MARCHF1: variants seen among roughly 807,000 people sequenced by gnomAD.
MARCHF1 encodes the protein membrane associated ring-CH-type finger 1, also known as E3 ubiquitin-protein ligase MARCHF1.
A neutral mutation model predicts 54.2 loss-of-function variants in MARCHF1; 40 were observed. That is an observed-to-expected ratio of 0.74 (90% CI 0.57 to 0.96). The LOEUF is 0.96. Among genes scored for constraint, MARCHF1 ranks in the 40% least tolerant of loss-of-function variants. MARCHF1 has a pLI of 0.00. For synonymous variants in MARCHF1, 236 were observed against 236.3 expected (o/e 1.00, Z 0.01); for missense variants, 586 against 656.5 (o/e 0.89, Z 1.17).
Position 163,612,594 on chromosome 4 carries a change from A to T in MARCHF1, c.687T>A (p.Ser229=), listed in dbSNP as rs1741380137. ...TATGTTTTCCTCTGTGGAGATTTAA[A>T]GAGCAACTCTCACATTCAATCAGCT... is the stretch of plus-strand genomic sequence containing the variant. ...QQELIECESC[S]LNLHRGKHTR... is the part of the protein sequence containing the mutation. The change falls in exon 7 of 10, where the codon TCT becomes TCA. Residue 229 remains serine (S), a synonymous_variant. Coordinates refer to ENST00000514618, the MANE Select transcript of MARCHF1 (RefSeq NM_001394959.1). 5.9e-6 allele frequency: 9 copies of T among 1,535,504 alleles called. No homozygotes were observed. The highest frequency in any genetic ancestry group is 7.8e-6 in the Non-Finnish European group (9 of 1,146,578).
intron 8 of MARCHF1, among the ~76,000 whole-genome samples, chr4:163,575,976 C>T (rs1740023262): frequency 6.6e-6 from 1 of 151,802 alleles, no homozygotes; most frequent in Non-Finnish European, 1.5e-5. Flanking sequence ...CCTTGTTTTT[C>T]TTTTCAAAGA....
chr4:163,789,709 C>G (rs1023135284), intron 4 of MARCHF1, among the ~76,000 whole-genome samples: 1 of 151,836 alleles, frequency 6.6e-6, no homozygotes, highest in South Asian at 2.1e-4. Context: ...GGATGTCTTG[C>G]TTGAAGTAAA....
At chr4:164,366,849 T>C (rs1383728757) in intron 1 of MARCHF1, among the ~76,000 whole-genome samples, 1 of 151,998 alleles carries the variant, frequency 6.6e-6, no homozygotes, top group Non-Finnish European at 1.5e-5. Context: ...GTAATTTTCT[T>C]ATTTCTAAGT....
chr4:163,579,201 T>C (rs11944594), intron 8 of MARCHF1, among the ~76,000 whole-genome samples: 4,463 of 152,284 alleles, frequency 0.029, 216 homozygotes, highest in African/African-American at 0.096. Context: ...ATACTTTTCA[T>C]CTCATAATTA....
intron 4 of MARCHF1, among the ~76,000 whole-genome samples, chr4:163,732,583 C>T (rs112901843): frequency 3.2e-4 from 48 of 151,966 alleles, no homozygotes; most frequent in African/African-American, 1.1e-3. Flanking sequence ...ATTTTCTCAA[C>T]CTAATAATAA....
At chr4:163,975,886 C>A (rs1341660054) in intron 3 of MARCHF1, among the ~76,000 whole-genome samples, 1 of 152,084 alleles carries the variant, frequency 6.6e-6, no homozygotes, top group East Asian at 1.9e-4. Context: ...GAAGCCCATA[C>A]AATGTTTAAA....
chr4:164,183,700 G>T (rs1216935524), intron 1 of MARCHF1, among the ~76,000 whole-genome samples: 1 of 152,152 alleles, frequency 6.6e-6, no homozygotes, highest in Non-Finnish European at 1.5e-5. Flanking sequence ...GCATTGACAA[G>T]ATAAGCAGGT....
In MARCHF1 at chr4:163,894,576, TGTGATGC is replaced by T. The variant is rs1421951041; in HGVS notation, c.-38-40414_-38-40408del. 1.2e-3 allele frequency among the ~76,000 whole-genome samples: 79 copies of T among 68,642 alleles called. 13 individuals carry two copies. The highest frequency in any genetic ancestry group is 1.9e-3 in the African/African-American group (57 of 29,298). 45.0% of individuals were successfully genotyped at this position (68,642 alleles called of 152,430 possible). A position where few individuals can be genotyped will look rare whatever the true frequency, so the allele number is the denominator to read the frequency against. Reference sequence around the variant, plus strand: ...CTGCACATGCATATATATATATGCATGTGATGCATATATATATATGCATGTGATGCAT... The same window carrying T: ...CTGCACATGCATATATATATATGCATATATATATATATGCATGTGATGCAT... On this transcript the variant is annotated intron_variant, in intron 3 of 9. Transcript: ENST00000514618.
At chr4:164,056,862 C>A (rs1439931890) in intron 2 of MARCHF1, among the ~76,000 whole-genome samples, 1 of 152,114 alleles carries the variant, frequency 6.6e-6, no homozygotes, top group African/African-American at 2.4e-5. Flanking sequence ...TGTATCCTGC[C>A]ACCTCCCATC....
At chr4:164,133,238 C>T (rs1278910603) in intron 1 of MARCHF1, among the ~76,000 whole-genome samples, 1 of 152,128 alleles carries the variant, frequency 6.6e-6, no homozygotes, top group Non-Finnish European at 1.5e-5. Context: ...AAAGGACCTG[C>T]CCCAGTGGGG....
At chr4:163,810,855 A>G (rs1579304862) in intron 4 of MARCHF1, among the ~76,000 whole-genome samples, 1 of 152,140 alleles carries the variant, frequency 6.6e-6, no homozygotes, top group African/African-American at 2.4e-5. Context: ...CCTTCCATCC[A>G]CCTTCCACAA....
chr4:164,358,903 C>T (rs1200634323), intron 1 of MARCHF1, among the ~76,000 whole-genome samples: 1 of 151,962 alleles, frequency 6.6e-6, no homozygotes, highest in African/African-American at 2.4e-5. Context: ...TTAAAAGACG[C>T]TCCAAAGGTC....
intron 4 of MARCHF1, among the ~76,000 whole-genome samples, chr4:163,706,608 CA>C (rs1385140768): frequency 6.6e-6 from 1 of 151,754 alleles, no homozygotes; most frequent in Non-Finnish European, 1.5e-5. Context: ...GTGATCTGAA[CA>C]AATAAAGTAC....
intron 3 of MARCHF1, among the ~76,000 whole-genome samples, chr4:163,869,180 G>A (rs1750118324): frequency 6.6e-6 from 1 of 151,988 alleles, no homozygotes; most frequent in African/African-American, 2.4e-5. Flanking sequence ...CAAAGACTAC[G>A]TGAGTGAGTT....
At chr4:163,961,133 G>C (rs564704476) in intron 3 of MARCHF1, among the ~76,000 whole-genome samples, 8 of 151,756 alleles carry the variant, frequency 5.3e-5, no homozygotes, top group African/African-American at 1.9e-4. Flanking sequence ...TCACATTAGG[G>C]GGTTATGGAA....
At position 163,936,642 on chromosome 4, in the gene MARCHF1, C is replaced by G. The variant is rs116631405; in HGVS notation, c.-39+51859G>C. 6.2e-3 allele frequency among the ~76,000 whole-genome samples: 944 copies of G among 152,280 alleles called. 11 individuals carry two copies. Among genetic ancestry groups the G allele is most frequent in the Admixed American group, 0.031 (471 of 15,286 alleles). The stretch of plus-strand genomic sequence containing the variant: ...GCCTCTGGGAGCAGGCACTACCCAT[C>G]TGCTTTTGGTATCTCTGTGTGTGCA... On this transcript the variant is annotated intron_variant, in intron 3 of 9. Transcript: ENST00000514618.
intron 1 of MARCHF1, among the ~76,000 whole-genome samples, chr4:164,298,115 T>C (rs1215950653): frequency 3.3e-5 from 5 of 152,148 alleles, no homozygotes; most frequent in African/African-American, 4.8e-5. Flanking sequence ...CTGAGCTTCA[T>C]TGCAATTTTT....
At chr4:164,027,927 TAAAC>T (rs1261145929) in intron 2 of MARCHF1, among the ~76,000 whole-genome samples, 1 of 151,978 alleles carries the variant, frequency 6.6e-6, no homozygotes, top group Non-Finnish European at 1.5e-5. Flanking sequence ...GCAGAGAAAC[TAAAC>T]AAACACTTCT....
intron 3 of MARCHF1, among the ~76,000 whole-genome samples, chr4:163,870,823 A>G (rs1212231929): frequency 1.2e-4 from 18 of 152,174 alleles, no homozygotes; most frequent in Admixed American, 1.2e-3. Context: ...AGTGGTTGCC[A>G]GAGGCAGGGA....
Sources: gnomAD v4.1 joint callset for allele counts (sites outside exome capture counted in the v4.1 genomes callset) on GRCh38, gnomAD v4.1.1 for gene constraint, MANE v1.5 for transcripts, NCBI Gene and HGNC (gene_info 2026-07-23, HGNC 2026-07-21) for gene names.